The following MTHFD1 variants were observed in gnomAD, a reference collection of about 807,000 sequenced individuals.
MTHFD1 encodes C-1-tetrahydrofolate synthase, cytoplasmic.
A neutral mutation model predicts 110.3 loss-of-function variants in MTHFD1; 44 were observed. That is an observed-to-expected ratio of 0.40 (90% CI 0.31 to 0.51). The LOEUF (loss-of-function observed/expected upper bound fraction) is 0.51. MTHFD1 is among the 20% of genes least tolerant of loss of function. The pLI, the probability that MTHFD1 is intolerant of heterozygous loss-of-function variation, is 0.60. For missense variants in MTHFD1, 909 were observed against 1,173.1 expected, an observed-to-expected ratio of 0.77 and a Z score of 3.29; for synonymous variants, 402 against 428.8, an observed-to-expected ratio of 0.94 and a Z score of 0.77.
intron 4 of MTHFD1, among the ~76,000 whole-genome samples, chr14:64,413,297 A>T: frequency 6.6e-6 from 1 of 152,152 alleles, no homozygotes; most frequent in East Asian, 1.9e-4. Flanking sequence ...GGTTGCAGTG[A>T]GCCAAGATCG....
In MTHFD1 at chr14:64,388,441, A is replaced by G; in HGVS notation, c.14A>G (p.Glu5Gly). ...CTAATAAAGGCCATGGCGCCAGCAG[A>G]AATCCTGAACGGGAAGGAGATCTCC... MAPA[E>G]ILNGKEISAQ... Residue 5 changes from glutamate to glycine, a missense_variant, in exon 1 of 28, where the codon GAA becomes GGA. Glu to Gly is a moderately conservative substitution (Grantham distance 98). Around this residue, in one of 3 missense-constraint regions of MTHFD1, gnomAD observed 424 missense variants for 510.4 expected, o/e 0.83. Coordinates refer to ENST00000652337, the MANE Select transcript of MTHFD1 (RefSeq NM_005956.4). 1 of 1,614,134 alleles carries G rather than the reference A, an allele frequency of 6.2e-7. No homozygotes were observed. The highest frequency in any genetic ancestry group is 8.5e-7 in the Non-Finnish European group (1 of 1,180,046).
chr14:64,441,491 G>C, intron 19 of MTHFD1, 38 bp downstream of exon 19: 1 of 1,601,124 alleles, frequency 6.2e-7, no homozygotes, highest in Non-Finnish European at 8.6e-7. Context: ...AATTGGTTTT[G>C]GACAGTCAGA....
chr14:64,442,217 C>T, intron 20 of MTHFD1, 46 bp from the exon 21 acceptor site: 1 of 1,614,030 alleles, frequency 6.2e-7, no homozygotes, highest in Non-Finnish European at 8.5e-7. Context: ...CTTTTAACAT[C>T]AGGGGAATTG....
chr14:64,412,853 G>A (rs1197671527), intron 4 of MTHFD1, among the ~76,000 whole-genome samples: 1 of 151,462 alleles, frequency 6.6e-6, no homozygotes, highest in Non-Finnish European at 1.5e-5. Flanking sequence ...GGCCAGGCTG[G>A]TCTTGAACTC....
intron 12 of MTHFD1, among the ~76,000 whole-genome samples, chr14:64,429,751 G>C (rs1458434897): frequency 6.6e-6 from 1 of 150,848 alleles, no homozygotes; most frequent in Non-Finnish European, 1.5e-5. Context: ...AAAAAATCTA[G>C]CAATTAGGCT....
intron 12 of MTHFD1, 70 bp downstream of exon 12, chr14:64,427,543 C>T: frequency 1.3e-6 from 2 of 1,484,304 alleles, no homozygotes; most frequent in Admixed American, 1.7e-5. Flanking sequence ...CAGGCCCACG[C>T]AACCTATGAT....
intron 3 of MTHFD1, among the ~76,000 whole-genome samples, chr14:64,411,614 A>C (rs1566559173): frequency 2.0e-5 from 3 of 152,170 alleles, no homozygotes; most frequent in African/African-American, 7.2e-5. Flanking sequence ...ATAAGATGAC[A>C]GATGGCCGGA....
intron 23 of MTHFD1, chr14:64,449,034 C>T (rs1384938746): frequency 1.9e-5 from 6 of 318,554 alleles, no homozygotes; most frequent in African/African-American, 8.7e-5. Context: ...CTCCTGACCT[C>T]GTGATTCTCC....
At chr14:64,398,009 C>CT (rs1305220274) in intron 1 of MTHFD1, among the ~76,000 whole-genome samples, 1 of 151,958 alleles carries the variant, frequency 6.6e-6, no homozygotes, top group African/African-American at 2.4e-5. Context: ...GCCTGGGTGA[C>CT]TGTGTAGGGG....
intron 8 of MTHFD1, among the ~76,000 whole-genome samples, chr14:64,423,820 G>C (rs1016949332): frequency 6.6e-6 from 1 of 151,346 alleles, no homozygotes; most frequent in African/African-American, 2.4e-5. Flanking sequence ...TCCGCCCCCC[G>C]GGTTCATGCC....
chr14:64,446,951 C>T (rs1256144), intron 22 of MTHFD1, among the ~76,000 whole-genome samples: 89,655 of 151,794 alleles, frequency 0.59, 27,843 homozygotes, highest in African/African-American at 0.79. Context: ...GCAGTCTCCC[C>T]GCTTCAACCT....
At chr14:64,415,082 G>A (rs2078014987) in intron 4 of MTHFD1, among the ~76,000 whole-genome samples, 1 of 152,018 alleles carries the variant, frequency 6.6e-6, no homozygotes, top group Non-Finnish European at 1.5e-5. Flanking sequence ...TAATCCTCCT[G>A]ACTTGGCCTC....
intron 2 of MTHFD1, among the ~76,000 whole-genome samples, chr14:64,407,007 C>A (rs375018756): frequency 6.6e-5 from 10 of 152,088 alleles, no homozygotes; most frequent in African/African-American, 2.4e-4. Flanking sequence ...TTTGTTCTTC[C>A]CCTTTGTTTT....
intron 8 of MTHFD1, among the ~76,000 whole-genome samples, chr14:64,420,832 G>C (rs930219397): frequency 6.6e-6 from 1 of 152,144 alleles, no homozygotes; most frequent in African/African-American, 2.4e-5. Context: ...TTGTAAAGTG[G>C]ACCACTTTCC....
At chr14:64,446,658 C>A (rs1455864222) in intron 22 of MTHFD1, among the ~76,000 whole-genome samples, 2 of 152,094 alleles carry the variant, frequency 1.3e-5, no homozygotes, top group Non-Finnish European at 2.9e-5. Context: ...TCTCCTGCCT[C>A]AGCCTCCCAA....
intron 1 of MTHFD1, among the ~76,000 whole-genome samples, chr14:64,390,633 G>A (rs762724741): frequency 1.3e-5 from 2 of 151,912 alleles, no homozygotes; most frequent in Admixed American, 1.3e-4. Context: ...ACAGGCGTCC[G>A]CCACCATGTC....
At chr14:64,398,221 C>A (rs1258811986) in intron 1 of MTHFD1, among the ~76,000 whole-genome samples, 1 of 152,090 alleles carries the variant, frequency 6.6e-6, no homozygotes, top group Non-Finnish European at 1.5e-5. Flanking sequence ...GTAGAGAATA[C>A]TGACTTGAAA....
chr14:64,401,366 A>G (rs2077895189), intron 2 of MTHFD1, among the ~76,000 whole-genome samples: 2 of 152,106 alleles, frequency 1.3e-5, no homozygotes, highest in African/African-American at 2.4e-5. Context: ...TCAAGAAGCT[A>G]TTGTTTATAC....
Position 64,454,895 on chromosome 14 carries a change from G to A in MTHFD1, c.2718+20G>A. The A allele has an allele frequency of 1.2e-6, 2 of 1,613,628 alleles. No individual in the cohort carries two copies. The highest frequency in any genetic ancestry group is 1.7e-6 in the Non-Finnish European group (2 of 1,179,542). On this transcript the variant is annotated intron_variant, in intron 26 of 27. Coordinates refer to ENST00000652337, the MANE Select transcript of MTHFD1 (RefSeq NM_005956.4). ...GGAACGGTAAGTGCATGCTGCAAGG[G>A]AGTAGTGGGCGCATCTGCACTTCTC... is the stretch of plus-strand genomic sequence containing the variant.
Sources: gnomAD v4.1 joint callset for allele counts (sites outside exome capture counted in the v4.1 genomes callset) on GRCh38, gnomAD v4.1.1 for gene constraint, gnomAD v4.1.1 regional missense constraint, MANE v1.5 for transcripts, NCBI Gene and HGNC (gene_info 2026-07-23, HGNC 2026-07-21) for gene names.